The following DPP10 variants were observed in gnomAD, a reference collection of about 807,000 sequenced individuals.
DPP10 encodes the protein inactive dipeptidyl peptidase 10.
DPP10 carries 33 observed loss-of-function variants against 120.9 expected under a neutral mutation model. The observed-to-expected ratio is 0.27, with a 90% CI of 0.21 to 0.37. The LOEUF is 0.37. Among genes scored for constraint, DPP10 ranks in the 10% least tolerant of loss-of-function variants. DPP10 has a pLI of 1.00. For synonymous variants in DPP10, 337 were observed against 326.1 expected (o/e 1.03, Z -0.36); for missense variants, 816 against 942.8 (o/e 0.87, Z 1.76).
intron 1 of DPP10, among the ~76,000 whole-genome samples, chr2:115,261,007 A>G (rs1056302516): frequency 3.9e-5 from 6 of 152,128 alleles, no homozygotes; most frequent in African/African-American, 9.7e-5. Context: ...TAGAAGTGGA[A>G]CAGTGGAAAA....
intron 5 of DPP10, among the ~76,000 whole-genome samples, chr2:115,582,694 C>A: frequency 6.6e-6 from 1 of 152,178 alleles, no homozygotes; most frequent in East Asian, 1.9e-4. Context: ...TTCATCACAT[C>A]TCTTAAGAGC....
At chr2:115,188,610 A>G (rs2054639401) in intron 1 of DPP10, among the ~76,000 whole-genome samples, 1 of 152,238 alleles carries the variant, frequency 6.6e-6, no homozygotes, top group Non-Finnish European at 1.5e-5. Context: ...GCTTATAAAA[A>G]GAGATATAGG....
intron 1 of DPP10, among the ~76,000 whole-genome samples, chr2:114,695,686 C>A (rs1351750391): frequency 1.3e-5 from 2 of 152,010 alleles, no homozygotes; most frequent in South Asian, 2.1e-4. Context: ...TTCTTAACAG[C>A]ATTTCTCTGG....
chr2:115,793,323 G>A (rs575414852), intron 19 of DPP10, among the ~76,000 whole-genome samples: 1 of 151,996 alleles, frequency 6.6e-6, no homozygotes, highest in Non-Finnish European at 1.5e-5. Context: ...AAAATAACAT[G>A]GGATAATATT....
intron 1 of DPP10, among the ~76,000 whole-genome samples, chr2:115,269,059 A>G (rs2059582405): frequency 6.6e-6 from 1 of 152,200 alleles, no homozygotes; most frequent in Non-Finnish European, 1.5e-5. Context: ...AGACGGGAGA[A>G]TCACTTGAAC....
At chr2:115,403,004 T>C (rs2068218890) in intron 3 of DPP10, among the ~76,000 whole-genome samples, 2 of 149,506 alleles carry the variant, frequency 1.3e-5, no homozygotes, top group South Asian at 4.2e-4. Context: ...AGATACATTT[T>C]TTAAATCCTC....
In DPP10 at chr2:114,589,037, TG is replaced by T. The variant is rs3981303; in HGVS notation, c.60+146210del. Among the ~76,000 whole-genome samples the T allele has an allele frequency of 5.0e-3, 507 of 102,356 alleles. 2 individuals carry two copies. Among genetic ancestry groups the T allele is most frequent in the African/African-American group, 5.8e-3 (151 of 25,896 alleles). 67.1% of individuals were successfully genotyped at this position (102,356 alleles called of 152,430 possible). On this transcript the variant is annotated intron_variant, in intron 1 of 25. Coordinates refer to ENST00000410059, the MANE Select transcript of DPP10 (RefSeq NM_020868.6). ...TCCGGTAGAAAGGCAAAGGTTTTTTTGGGGGGGGGGGTAGGGGACGTACTGT... is the reference window on the plus strand; with the variant it reads ...TCCGGTAGAAAGGCAAAGGTTTTTTTGGGGGGGGGGTAGGGGACGTACTGT...
At chr2:114,767,058 A>G (rs1479046725) in intron 1 of DPP10, among the ~76,000 whole-genome samples, 3 of 149,402 alleles carry the variant, frequency 2.0e-5, no homozygotes, top group Non-Finnish European at 4.4e-5. Context: ...GACTCTGAGT[A>G]CTTTTGTTGC....
At chr2:115,000,929 G>C (rs1037517076) in intron 1 of DPP10, among the ~76,000 whole-genome samples, 4 of 152,086 alleles carry the variant, frequency 2.6e-5, no homozygotes, top group Admixed American at 6.6e-5. Context: ...AGGTATGGCA[G>C]CTTTCTCTAC....
intron 5 of DPP10, among the ~76,000 whole-genome samples, chr2:115,548,116 G>A (rs1000587054): frequency 9.2e-5 from 14 of 152,138 alleles, no homozygotes; most frequent in African/African-American, 2.2e-4. Context: ...TTAGAAAGCC[G>A]TATAGAAAAT....
At chr2:115,666,407 C>T (rs2089457510) in intron 5 of DPP10, among the ~76,000 whole-genome samples, 1 of 152,088 alleles carries the variant, frequency 6.6e-6, no homozygotes, top group Non-Finnish European at 1.5e-5. Flanking sequence ...AGAACTCGCT[C>T]ACTATCACGA....
intron 7 of DPP10, among the ~76,000 whole-genome samples, chr2:115,699,969 T>A (rs1208938867): frequency 2.0e-5 from 3 of 152,162 alleles, no homozygotes; most frequent in African/African-American, 7.2e-5. Flanking sequence ...GAGGTTTAAT[T>A]GGCTCACAGT....
rs112053500 is a variant in DPP10 at position 114,982,775 on chromosome 2, AT to A, written c.61-326452del. Among the ~76,000 whole-genome samples the A allele has an allele frequency of 2.0e-3, 282 of 139,358 alleles. 1 individual carries two copies. The highest frequency in any genetic ancestry group is 2.1e-3 in the Non-Finnish European group (132 of 63,642). 91.4% of individuals were successfully genotyped at this position (139,358 alleles called of 152,430 possible). Reference sequence around the variant, plus strand: ...GCCACCATGCCTGGCTAATTTTTGCATTTTTTTTTTTTGTAGAAATGGAGTT... The same window carrying A: ...GCCACCATGCCTGGCTAATTTTTGCATTTTTTTTTTTGTAGAAATGGAGTT... On this transcript the variant is annotated intron_variant, in intron 1 of 25. Transcript: ENST00000410059.
chr2:115,258,336 C>T (rs1018393571), intron 1 of DPP10, among the ~76,000 whole-genome samples: 1 of 152,030 alleles, frequency 6.6e-6, no homozygotes, highest in Non-Finnish European at 1.5e-5. Flanking sequence ...TTCATGGTAA[C>T]TTGCTGAAAT....
intron 1 of DPP10, among the ~76,000 whole-genome samples, chr2:114,997,487 T>C (rs1701168277): frequency 8.8e-6 from 1 of 113,138 alleles, no homozygotes; most frequent in Non-Finnish European, 1.8e-5. Context: ...CGAGACTCCG[T>C]CTCAAAAAAA....
intron 3 of DPP10, among the ~76,000 whole-genome samples, chr2:115,405,491 T>C (rs1050797798): frequency 6.6e-6 from 1 of 152,062 alleles, no homozygotes; most frequent in Non-Finnish European, 1.5e-5. Flanking sequence ...GCTGATGACT[T>C]CTGTGGGTCT....
At chr2:114,538,800 G>A (rs538727161) in intron 1 of DPP10, among the ~76,000 whole-genome samples, 12 of 152,316 alleles carry the variant, frequency 7.9e-5, no homozygotes, top group Admixed American at 5.2e-4. Context: ...CAGACTGAGA[G>A]AATGTCCAAC....
chr2:115,836,915 A>C (rs1689598768), intron 24 of DPP10, among the ~76,000 whole-genome samples, 169 bp downstream of exon 24: 1 of 152,158 alleles, frequency 6.6e-6, no homozygotes, highest in Admixed American at 6.5e-5. Context: ...ATTCAGAGAT[A>C]AGAGGAGAGG....
At chr2:114,939,835 G>A (rs1696764170) in intron 1 of DPP10, among the ~76,000 whole-genome samples, 1 of 151,986 alleles carries the variant, frequency 6.6e-6, no homozygotes. Flanking sequence ...TACAGCTATG[G>A]CTCATACCAA....
Sources: allele counts gnomAD v4.1 joint callset (sites outside exome capture counted in the v4.1 genomes callset), GRCh38; gene constraint gnomAD v4.1.1; transcripts MANE v1.5; gene names NCBI Gene and HGNC (gene_info 2026-07-23, HGNC 2026-07-21).